PCDH15: variants seen among roughly 807,000 people sequenced by gnomAD.
PCDH15 encodes the protein protocadherin-15.
PCDH15 carries 129 observed loss-of-function variants against 178.5 expected under a neutral mutation model. The observed-to-expected ratio is 0.72, with a 90% CI of 0.63 to 0.84. The LOEUF (loss-of-function observed/expected upper bound fraction) is 0.84, where lower values mean the gene tolerates loss of function less well. Among genes scored for constraint, PCDH15 ranks in the 40% least tolerant of loss-of-function variants. The pLI is 0.00. For synonymous variants in PCDH15, 800 were observed against 732.0 expected (o/e 1.09, Z -1.50); for missense variants, 2,230 against 2,099.9 (o/e 1.06, Z -1.21).
chr10:55,177,488 G>T (rs1839525948), intron 1 of PCDH15, among the ~76,000 whole-genome samples: 2 of 152,184 alleles, frequency 1.3e-5, no homozygotes, highest in South Asian at 4.1e-4. Context: ...TAAGCAAGGA[G>T]CTTGATTTGG....
intron 8 of PCDH15, among the ~76,000 whole-genome samples, chr10:54,284,575 G>T (rs1212328144): frequency 6.6e-6 from 1 of 152,116 alleles, no homozygotes; most frequent in South Asian, 2.1e-4. Flanking sequence ...TTTATAGAAC[G>T]TAACATAAAG....
At chr10:55,132,739 A>G (rs975250281) in intron 2 of PCDH15, among the ~76,000 whole-genome samples, 8 of 152,182 alleles carry the variant, frequency 5.3e-5, no homozygotes, top group African/African-American at 1.9e-4. Context: ...ACTGAAGTAC[A>G]TAGAGTATTG....
chr10:54,699,141 C>A (rs2095273968), intron 1 of PCDH15, among the ~76,000 whole-genome samples: 1 of 151,948 alleles, frequency 6.6e-6, no homozygotes. Context: ...AAGGATTAAA[C>A]AAATAACTTC....
Position 54,357,905 on chromosome 10 carries a change from A to C in PCDH15, c.474+11215T>G, listed in dbSNP as rs1308660383. Among the ~76,000 whole-genome samples the C allele has an allele frequency of 9.9e-5, 15 of 151,814 alleles. No individual in the cohort carries two copies. The East Asian group carries it at 1.8e-3, about 18-fold the overall frequency. ...CTTTGACAAACCTGACAAAAACAAG[A>C]AATGGGGAAAGGATTCCCTATTTAA... On this transcript the variant is annotated intron_variant, in intron 5 of 37. Transcript: ENST00000644397.
intron 2 of PCDH15, among the ~76,000 whole-genome samples, chr10:54,538,023 C>T (rs145735080): frequency 3.3e-5 from 5 of 152,130 alleles, no homozygotes; most frequent in East Asian, 1.9e-4. Context: ...TAGACCTTTG[C>T]GGGTGCATAG....
At chr10:54,457,027 A>G (rs1051972688) in intron 3 of PCDH15, among the ~76,000 whole-genome samples, 1 of 152,100 alleles carries the variant, frequency 6.6e-6, no homozygotes, top group Non-Finnish European at 1.5e-5. Context: ...GTGTTTCTTC[A>G]TAGTGGTGTG....
chr10:55,421,704 C>A (rs770174064), intron 2 of PCDH15, among the ~76,000 whole-genome samples: 15 of 151,390 alleles, frequency 9.9e-5, no homozygotes, highest in Non-Finnish European at 1.8e-4. Flanking sequence ...TAAAAAGAAG[C>A]ATCTGTTTGA....
At chr10:54,957,334 G>T (rs901793736) in intron 2 of PCDH15, among the ~76,000 whole-genome samples, 4 of 151,500 alleles carry the variant, frequency 2.6e-5, no homozygotes, top group African/African-American at 9.7e-5. Context: ...TGAAAGTGTG[G>T]TAGTCATATA....
At chr10:55,304,349 G>GA (rs933155073) in intron 1 of PCDH15, among the ~76,000 whole-genome samples, 1 of 152,020 alleles carries the variant, frequency 6.6e-6, no homozygotes, top group Non-Finnish European at 1.5e-5. Flanking sequence ...GGATACGTGA[G>GA]AAAAAAATAA....
At chr10:55,467,131 G>A (rs547267055) in intron 2 of PCDH15, among the ~76,000 whole-genome samples, 24 of 152,254 alleles carry the variant, frequency 1.6e-4, no homozygotes, top group African/African-American at 5.8e-4. Context: ...TAATTTATGA[G>A]TTATTCAATA....
At chr10:54,809,381 G>A (rs1952827531) in intron 3 of PCDH15, among the ~76,000 whole-genome samples, 1 of 151,886 alleles carries the variant, frequency 6.6e-6, no homozygotes, top group Non-Finnish European at 1.5e-5. Context: ...CTTAATTCTG[G>A]GGAAGTTCAA....
intron 21 of PCDH15, among the ~76,000 whole-genome samples, chr10:53,972,113 G>C (rs1440177113): frequency 1.3e-5 from 2 of 152,098 alleles, no homozygotes; most frequent in African/African-American, 4.8e-5. Context: ...GAACAGAACA[G>C]AGCCCTCAGA....
At chr10:55,319,062 CACACACACACAA>C (rs576150792) in intron 1 of PCDH15, among the ~76,000 whole-genome samples, 243 of 152,074 alleles carry the variant, frequency 1.6e-3, no homozygotes, top group African/African-American at 5.5e-3. Context: ...CACACACACA[CACACACACACAA>C]ACACACACGA....
At position 54,629,369 on chromosome 10, in the gene PCDH15, C is replaced by T. The variant is rs114089935; in HGVS notation, c.91+34803G>A. On this transcript the variant is annotated intron_variant, in intron 2 of 37. Transcript: ENST00000644397. The stretch of plus-strand genomic sequence containing the variant: ...AAGCAAAATGTTATTTGACAGAATC[C>T]AGAAGCACATGAAAAAGTTAATTCA... Among the ~76,000 whole-genome samples, 448 of 151,992 alleles carry T rather than the reference C, an allele frequency of 2.9e-3. 1 individual carries two copies. Among genetic ancestry groups the T allele is most frequent in the African/African-American group, 0.01 (429 of 41,484 alleles).
intron 1 of PCDH15, among the ~76,000 whole-genome samples, chr10:54,735,430 A>T (rs1943970526): frequency 1.3e-5 from 2 of 151,810 alleles, no homozygotes; most frequent in Admixed American, 1.3e-4. Flanking sequence ...ACTGTAAACT[A>T]GTTCAACCAT....
intron 1 of PCDH15, among the ~76,000 whole-genome samples, chr10:55,206,471 A>G (rs2132164911): frequency 6.6e-6 from 1 of 152,218 alleles, no homozygotes; most frequent in Middle Eastern, 3.4e-3. Context: ...CTGGGTTAGT[A>G]GTTTTCTCTC....
intron 26 of PCDH15, 74 bp from the exon 27 acceptor site, chr10:53,866,931 G>T (rs2079504069): frequency 1.9e-6 from 2 of 1,066,256 alleles, no homozygotes; most frequent in East Asian, 2.4e-5. Context: ...GCTTACTTTT[G>T]TTTGTAAGAA....
intron 1 of PCDH15, among the ~76,000 whole-genome samples, chr10:55,276,411 T>A (rs1693595486): frequency 6.6e-6 from 1 of 151,242 alleles, no homozygotes; most frequent in African/African-American, 2.4e-5. Context: ...TCTAATTTGC[T>A]AATTTTTTTC....
chr10:55,544,642 A>G (rs1841839118), intron 2 of PCDH15, among the ~76,000 whole-genome samples: 1 of 152,096 alleles, frequency 6.6e-6, no homozygotes, highest in South Asian at 2.1e-4. Context: ...CTTTTATAAC[A>G]ACTTCATACT....
Sources: gnomAD v4.1 joint callset for allele counts (sites outside exome capture counted in the v4.1 genomes callset) on GRCh38, gnomAD v4.1.1 for gene constraint, MANE v1.5 for transcripts, NCBI Gene and HGNC (gene_info 2026-07-23, HGNC 2026-07-21) for gene names.